The following PACSIN2 variants were observed in gnomAD, a reference collection of about 807,000 sequenced individuals.
PACSIN2 encodes the protein protein kinase C and casein kinase substrate in neurons protein 2.
A neutral mutation model predicts 63.8 loss-of-function variants in PACSIN2; 25 were observed. That is an observed-to-expected ratio of 0.39 (90% CI 0.29 to 0.55). PACSIN2 has a LOEUF of 0.55. Among genes scored for constraint, PACSIN2 ranks in the 20% least tolerant of loss-of-function variants. PACSIN2 has a pLI of 0.62. For missense variants in PACSIN2, 518 were observed against 646.9 expected, an observed-to-expected ratio of 0.80 and a Z score of 2.16; for synonymous variants, 255 against 256.2, an observed-to-expected ratio of 1.00 and a Z score of 0.05.
chr22:42,945,455 G>A (rs575979325), intron 1 of PACSIN2, among the ~76,000 whole-genome samples: 1 of 151,988 alleles, frequency 6.6e-6, no homozygotes, highest in African/African-American at 2.4e-5. Context: ...GCCCAGACCC[G>A]CATCTCTGCC....
intron 2 of PACSIN2, among the ~76,000 whole-genome samples, chr22:42,908,217 C>T (rs1003976218): frequency 6.6e-6 from 1 of 152,192 alleles, no homozygotes; most frequent in African/African-American, 2.4e-5. Flanking sequence ...ATCCCGCCTC[C>T]GGGGAGCTTT....
chr22:42,997,272 G>A (rs971414854), intron 1 of PACSIN2, among the ~76,000 whole-genome samples: 1 of 152,338 alleles, frequency 6.6e-6, no homozygotes, highest in Admixed American at 6.5e-5. Flanking sequence ...CATAAATGGG[G>A]ATTTGGCCAG....
intron 1 of PACSIN2, among the ~76,000 whole-genome samples, chr22:42,969,540 G>GC (rs1921084342): frequency 6.6e-6 from 1 of 152,092 alleles, no homozygotes; most frequent in African/African-American, 2.4e-5. Context: ...AATAACTCTG[G>GC]CAACGATGAC....
chr22:42,920,456 T>C (rs1159580987), intron 1 of PACSIN2, among the ~76,000 whole-genome samples: 3 of 152,246 alleles, frequency 2.0e-5, no homozygotes, highest in Non-Finnish European at 4.4e-5. Context: ...TGAATTTATT[T>C]CTTTTCCAAA....
At chr22:42,897,768 C>T (rs551054858) in intron 2 of PACSIN2, among the ~76,000 whole-genome samples, 3 of 152,244 alleles carry the variant, frequency 2.0e-5, no homozygotes, top group Admixed American at 6.5e-5. Context: ...GTATCCTGAA[C>T]GCAATATCCA....
chr22:42,910,228 C>T (rs1435687953), intron 2 of PACSIN2, among the ~76,000 whole-genome samples: 5 of 152,196 alleles, frequency 3.3e-5, no homozygotes, highest in African/African-American at 7.2e-5. Flanking sequence ...GTCCTGTCTG[C>T]ACCACCACCA....
chr22:42,978,741 T>C (rs569262019), intron 1 of PACSIN2, among the ~76,000 whole-genome samples: 187 of 152,320 alleles, frequency 1.2e-3, no homozygotes, highest in African/African-American at 4.4e-3. Context: ...GTTTGCATCC[T>C]GGCCCTTGGT....
intron 1 of PACSIN2, among the ~76,000 whole-genome samples, chr22:42,923,334 G>A (rs1422406050): frequency 2.0e-5 from 3 of 152,190 alleles, no homozygotes; most frequent in Non-Finnish European, 4.4e-5. Flanking sequence ...TAAGTCCCTT[G>A]TGCAGAGTAA....
At chr22:42,999,914 C>T (rs150186682) in intron 1 of PACSIN2, among the ~76,000 whole-genome samples, 32 of 152,350 alleles carry the variant, frequency 2.1e-4, no homozygotes, top group Admixed American at 1.2e-3. Flanking sequence ...GGCTCAGAGG[C>T]ACCGATGGCT....
chr22:42,883,874 C>T (rs1302535292), intron 6 of PACSIN2, among the ~76,000 whole-genome samples: 1 of 152,280 alleles, frequency 6.6e-6, no homozygotes, highest in Middle Eastern at 3.4e-3. Context: ...TGTGGTGGCG[C>T]ATGCCTGTAA....
chr22:42,928,058 C>T (rs892684792), intron 1 of PACSIN2, among the ~76,000 whole-genome samples: 4 of 152,178 alleles, frequency 2.6e-5, no homozygotes, highest in African/African-American at 9.7e-5. Context: ...CTGAGGCTCT[C>T]TGGCTCACAC....
intron 10 of PACSIN2, among the ~76,000 whole-genome samples, chr22:42,874,920 G>A (rs1928484747): frequency 6.8e-6 from 1 of 146,422 alleles, no homozygotes. Context: ...GCGCAATCTC[G>A]GCTCACTGCA....
chr22:42,888,363 A>G (rs1602187040), intron 5 of PACSIN2, among the ~76,000 whole-genome samples: 1 of 152,190 alleles, frequency 6.6e-6, no homozygotes, highest in South Asian at 2.1e-4. Flanking sequence ...CCCTGCAGCA[A>G]TCCCAGCTGT....
rs1200792215 is a variant in PACSIN2 at position 42,928,328 on chromosome 22, A to G, written c.-77-16171T>C. 2.6e-5 allele frequency among the ~76,000 whole-genome samples: 4 copies of G among 152,254 alleles called. No homozygotes were observed. The East Asian group carries it at 5.8e-4, about 22-fold the overall frequency. On this transcript the variant is annotated intron_variant, in intron 1 of 10. Coordinates refer to ENST00000263246, the MANE Select transcript of PACSIN2 (RefSeq NM_001184970.3). ...TGTAGGCGATGAAATATCACCTGCCATCTTACACATGCATCAGAAATGGAC... is the reference window on the plus strand; with the variant it reads ...TGTAGGCGATGAAATATCACCTGCCGTCTTACACATGCATCAGAAATGGAC...
chr22:42,901,613 G>A (rs542745140), intron 2 of PACSIN2, among the ~76,000 whole-genome samples: 14 of 152,316 alleles, frequency 9.2e-5, no homozygotes, highest in Admixed American at 4.6e-4. Flanking sequence ...CCCAGGATAG[G>A]AGGGGTTTAC....
chr22:42,930,086 G>T (rs556791669), intron 1 of PACSIN2, among the ~76,000 whole-genome samples: 1 of 152,154 alleles, frequency 6.6e-6, no homozygotes, highest in Non-Finnish European at 1.5e-5. Flanking sequence ...AAATATGAAT[G>T]CCATGCTTTT....
intron 1 of PACSIN2, among the ~76,000 whole-genome samples, chr22:42,928,196 G>T (rs1339934931): frequency 2.0e-5 from 3 of 152,222 alleles, no homozygotes; most frequent in Non-Finnish European, 4.4e-5. Context: ...ACCCGGAGAG[G>T]CATAGGAGGA....
At chr22:42,969,944 A>G (rs1921124552) in intron 1 of PACSIN2, among the ~76,000 whole-genome samples, 2 of 152,078 alleles carry the variant, frequency 1.3e-5, no homozygotes, top group South Asian at 4.2e-4. Context: ...AAAAGAAACT[A>G]GAATGACCCC....
chr22:42,971,393 G>A (rs1196677211), intron 1 of PACSIN2, among the ~76,000 whole-genome samples: 1 of 152,226 alleles, frequency 6.6e-6, no homozygotes, highest in African/African-American at 2.4e-5. Flanking sequence ...AGTGCTCTAT[G>A]TTGCCCAGGC....
Sources: allele counts gnomAD v4.1 joint callset (sites outside exome capture counted in the v4.1 genomes callset), GRCh38; gene constraint gnomAD v4.1.1; transcripts MANE v1.5; gene names NCBI Gene and HGNC (gene_info 2026-07-23, HGNC 2026-07-21).